CDH13: variants seen among roughly 807,000 people sequenced by gnomAD.
CDH13 encodes cadherin-13.
In CDH13, 24 loss-of-function variants were observed where a neutral mutation model predicts 63.8. The observed-to-expected ratio is 0.38, with a 90% CI of 0.27 to 0.53. The LOEUF is 0.53. CDH13 is among the 20% of genes least tolerant of loss of function. CDH13 has a pLI of 0.85. For missense variants in CDH13, 1,049 were observed against 903.1 expected (o/e 1.16, Z -2.07); for synonymous variants, 503 against 355.3 (o/e 1.42, Z -4.67).
chr16:82,877,558 G>C (rs1386541227), intron 2 of CDH13, among the ~76,000 whole-genome samples: 1 of 152,170 alleles, frequency 6.6e-6, no homozygotes, highest in African/African-American at 2.4e-5. Flanking sequence ...CTATTCTGCA[G>C]AGTGGTAACA....
chr16:83,501,581 C>T (rs547562038), intron 7 of CDH13, among the ~76,000 whole-genome samples: 58 of 152,320 alleles, frequency 3.8e-4, no homozygotes, highest in Middle Eastern at 3.4e-3. Flanking sequence ...CCAGGCATTA[C>T]ATTAGGTCCA....
chr16:83,412,068 T>C (rs1014866576), intron 6 of CDH13, among the ~76,000 whole-genome samples: 4 of 152,246 alleles, frequency 2.6e-5, no homozygotes, highest in Non-Finnish European at 5.9e-5. Context: ...CACAAGCTCA[T>C]GGCTCTATGG....
chr16:82,817,109 C>A (rs983165803), intron 1 of CDH13, among the ~76,000 whole-genome samples: 1 of 152,082 alleles, frequency 6.6e-6, no homozygotes, highest in Non-Finnish European at 1.5e-5. Context: ...ACACAGAGAA[C>A]CCTGAAGTCC....
intron 4 of CDH13, among the ~76,000 whole-genome samples, chr16:83,134,864 G>T (rs562255788): frequency 6.6e-6 from 1 of 152,026 alleles, no homozygotes; most frequent in East Asian, 1.9e-4. Flanking sequence ...TCTACATCCC[G>T]CAAATAAAGG....
intron 7 of CDH13, among the ~76,000 whole-genome samples, chr16:83,558,289 G>A (rs751507852): frequency 7.9e-5 from 12 of 152,166 alleles, no homozygotes; most frequent in Non-Finnish European, 1.8e-4. Context: ...GTACCAGTTA[G>A]CAGAGAGGGA....
chr16:82,994,489 C>G (rs894570343), intron 2 of CDH13, among the ~76,000 whole-genome samples: 2 of 152,176 alleles, frequency 1.3e-5, no homozygotes, highest in Admixed American at 6.5e-5. Context: ...GAGAGCGTAG[C>G]CTTTCATCGT....
intron 4 of CDH13, among the ~76,000 whole-genome samples, chr16:83,197,019 A>G (rs997457507): frequency 1.3e-5 from 2 of 152,238 alleles, no homozygotes; most frequent in African/African-American, 4.8e-5. Context: ...CATATTTGCC[A>G]GAAACTGAAA....
intron 5 of CDH13, among the ~76,000 whole-genome samples, chr16:83,324,341 G>A (rs1426347171): frequency 6.6e-6 from 1 of 152,158 alleles, no homozygotes; most frequent in Non-Finnish European, 1.5e-5. Flanking sequence ...GGCCTCTGCA[G>A]TCAGTTTTAG....
At chr16:83,623,054 G>A (rs1909958282) in intron 8 of CDH13, among the ~76,000 whole-genome samples, 1 of 152,248 alleles carries the variant, frequency 6.6e-6, no homozygotes, top group Non-Finnish European at 1.5e-5. Context: ...AGCTCATGAA[G>A]TGACATCTTG....
intron 1 of CDH13, among the ~76,000 whole-genome samples, chr16:82,702,548 CCAT>C (rs2031128413): frequency 6.6e-6 from 1 of 152,122 alleles, no homozygotes; most frequent in African/African-American, 2.4e-5. Flanking sequence ...TTTCTGATTC[CCAT>C]CAGATGAACA....
intron 6 of CDH13, among the ~76,000 whole-genome samples, chr16:83,479,000 C>T (rs1421317134): frequency 6.6e-6 from 1 of 152,166 alleles, no homozygotes; most frequent in African/African-American, 2.4e-5. Context: ...GGAACACATG[C>T]CCTGCCAAAC....
chr16:83,277,596 C>G (rs1285916703), intron 5 of CDH13, among the ~76,000 whole-genome samples: 1 of 152,078 alleles, frequency 6.6e-6, no homozygotes, highest in Non-Finnish European at 1.5e-5. Flanking sequence ...GCGTTCATCC[C>G]TCTCATATCT....
intron 10 of CDH13, among the ~76,000 whole-genome samples, chr16:83,714,657 C>G (rs1908621056): frequency 6.6e-6 from 1 of 152,200 alleles, no homozygotes; most frequent in South Asian, 2.1e-4. Context: ...ATGACTATCA[C>G]AAGACAGACT....
chr16:82,934,251 G>A (rs2042594216), intron 2 of CDH13, among the ~76,000 whole-genome samples: 1 of 152,212 alleles, frequency 6.6e-6, no homozygotes, highest in African/African-American at 2.4e-5. Flanking sequence ...CTGTGCATCT[G>A]CAGGCTCAAC....
intron 7 of CDH13, among the ~76,000 whole-genome samples, chr16:83,587,554 C>A (rs764236665): frequency 1.3e-5 from 2 of 152,086 alleles, no homozygotes; most frequent in Non-Finnish European, 2.9e-5. Context: ...CCTTCTGCTG[C>A]GTGATTAGAA....
chr16:83,104,976 C>A (rs867374304), intron 3 of CDH13, among the ~76,000 whole-genome samples: 3 of 152,276 alleles, frequency 2.0e-5, no homozygotes, highest in Middle Eastern at 6.8e-3. Context: ...AAGGAACGTG[C>A]CATTCTTTTT....
At chr16:83,559,423 T>C (rs1431573799) in intron 7 of CDH13, among the ~76,000 whole-genome samples, 1 of 152,032 alleles carries the variant, frequency 6.6e-6, no homozygotes, top group Non-Finnish European at 1.5e-5. Context: ...AATATGAAAT[T>C]AGCTGGGCAT....
Position 83,044,763 on chromosome 16 carries a change from T to G in CDH13, c.366+12545T>G, listed in dbSNP as rs372622852. Among the ~76,000 whole-genome samples the G allele has an allele frequency of 3.5e-3, 528 of 152,318 alleles. 7 individuals carry two copies. The highest frequency in any genetic ancestry group is 0.024 in the Middle Eastern group (7 of 294). ...TCTTAGGTCGCGGTCGTGGAGTTGG[T>G]TGAGTGGCAGCCAGTGCGGCCATCC... On this transcript the variant is annotated intron_variant, in intron 3 of 13. Transcript: ENST00000567109.
At chr16:82,633,168 T>C (rs970094900) in intron 1 of CDH13, among the ~76,000 whole-genome samples, 9 of 152,192 alleles carry the variant, frequency 5.9e-5, no homozygotes, top group African/African-American at 1.7e-4. Context: ...GAACCCCTGC[T>C]CTACGTAGTG....
Sources: gnomAD v4.1 joint callset for allele counts (sites outside exome capture counted in the v4.1 genomes callset) on GRCh38, gnomAD v4.1.1 for gene constraint, MANE v1.5 for transcripts, NCBI Gene and HGNC (gene_info 2026-07-23, HGNC 2026-07-21) for gene names.